SPMIP2: variants seen among roughly 807,000 people sequenced by gnomAD.
The protein encoded by SPMIP2 is protein SPMIP2.
chr4:158,901,390 A>T, the SPMIP2 span, among the ~76,000 whole-genome samples: 1 of 152,060 alleles, frequency 6.6e-6, no homozygotes. Context: ...CTTTGTGGGT[A>T]ACCTGACCTC....
the SPMIP2 span, chr4:158,915,049 G>C: frequency 1.1e-5 from 9 of 835,668 alleles, no homozygotes; most frequent in Non-Finnish European, 1.5e-5. Flanking sequence ...AAAATGCTTC[G>C]ATAGGTTAAA....
At chr4:159,026,857 T>C in the SPMIP2 span, among the ~76,000 whole-genome samples, 1 of 150,416 alleles carries the variant, frequency 6.6e-6, no homozygotes, top group Non-Finnish European at 1.5e-5. Flanking sequence ...CAGTAATTAT[T>C]TATATACATA....
At chr4:159,040,456 C>G in the SPMIP2 span, among the ~76,000 whole-genome samples, 1 of 151,394 alleles carries the variant, frequency 6.6e-6, no homozygotes, top group East Asian at 2.0e-4. Flanking sequence ...CAGGTGTGAG[C>G]CACTGCGCCC....
chr4:159,052,610 CTAT>C, the SPMIP2 span, among the ~76,000 whole-genome samples: 16 of 149,226 alleles, frequency 1.1e-4, no homozygotes, highest in East Asian at 1.8e-3. Flanking sequence ...TATCTCAAGA[CTAT>C]TATTATTATT....
chr4:158,999,067 G>A, the SPMIP2 span, among the ~76,000 whole-genome samples: 8 of 152,128 alleles, frequency 5.3e-5, no homozygotes, highest in East Asian at 3.9e-4. Flanking sequence ...GAGAGGTTGA[G>A]GCTGGAGGAT....
chr4:159,043,135 A>G, the SPMIP2 span, among the ~76,000 whole-genome samples: 1 of 151,976 alleles, frequency 6.6e-6, no homozygotes, highest in South Asian at 2.1e-4. Flanking sequence ...CTAACTCCCT[A>G]TTTTCTATCC....
chr4:158,974,158 T>C, the SPMIP2 span, among the ~76,000 whole-genome samples: 2 of 151,918 alleles, frequency 1.3e-5, no homozygotes, highest in Non-Finnish European at 2.9e-5. Flanking sequence ...TGGAGAAAAT[T>C]GTTAGATGAG....
chr4:159,060,742 C>G, the SPMIP2 span, among the ~76,000 whole-genome samples: 5 of 152,068 alleles, frequency 3.3e-5, no homozygotes, highest in Non-Finnish European at 4.4e-5. Context: ...ATAGCTTAAC[C>G]TTATGTAAAT....
At chr4:159,046,215 T>G in the SPMIP2 span, among the ~76,000 whole-genome samples, 3 of 143,654 alleles carry the variant, frequency 2.1e-5, no homozygotes, top group Non-Finnish European at 3.0e-5. Flanking sequence ...GGTGACAGAG[T>G]GAGACCCTGT....
chr4:159,008,975 T>C, the SPMIP2 span, among the ~76,000 whole-genome samples: 4 of 152,232 alleles, frequency 2.6e-5, no homozygotes, highest in African/African-American at 9.6e-5. Flanking sequence ...CATTCTGCTT[T>C]GAGTCTATAG....
the SPMIP2 span, among the ~76,000 whole-genome samples, chr4:159,029,919 A>C: frequency 2.0e-5 from 3 of 152,232 alleles, no homozygotes; most frequent in Non-Finnish European, 4.4e-5. Flanking sequence ...AGGATAAAAA[A>C]TTAGCATCAA....
At chr4:159,044,516 C>T in the SPMIP2 span, among the ~76,000 whole-genome samples, 1 of 151,728 alleles carries the variant, frequency 6.6e-6, no homozygotes, top group South Asian at 2.1e-4. Flanking sequence ...GTCAAAAGGC[C>T]CTGTATTAAG....
the SPMIP2 span, among the ~76,000 whole-genome samples, chr4:159,003,784 C>T: frequency 6.6e-6 from 1 of 152,194 alleles, no homozygotes; most frequent in African/African-American, 2.4e-5. Context: ...AAAGAGAACA[C>T]AGCTACTAGA....
the SPMIP2 span, among the ~76,000 whole-genome samples, chr4:158,934,213 C>T: frequency 2.6e-5 from 4 of 152,196 alleles, no homozygotes; most frequent in Non-Finnish European, 5.9e-5. Flanking sequence ...GTAATCCCAG[C>T]ACTTTGGGAG....
the SPMIP2 span, among the ~76,000 whole-genome samples, chr4:158,930,756 G>A: frequency 1.3e-5 from 2 of 152,140 alleles, no homozygotes; most frequent in South Asian, 2.1e-4. Context: ...ATCTTTCTGT[G>A]TTGGCCTCCC....
At chr4:158,966,259 GCATGC>G in the SPMIP2 span, among the ~76,000 whole-genome samples, 1 of 152,154 alleles carries the variant, frequency 6.6e-6, no homozygotes, top group African/African-American at 2.4e-5. Context: ...CATTTGCTAT[GCATGC>G]TATGCATTTT....
the SPMIP2 span, among the ~76,000 whole-genome samples, chr4:159,052,369 G>GAAA: frequency 4.1e-5 from 6 of 145,128 alleles, no homozygotes; most frequent in African/African-American, 1.6e-4. Context: ...AGTAGACCCT[G>GAAA]AAAACAACAA....
chr4:159,041,825 A>G, the SPMIP2 span, among the ~76,000 whole-genome samples: 1 of 152,218 alleles, frequency 6.6e-6, no homozygotes, highest in Admixed American at 6.5e-5. Flanking sequence ...CACTTTCCCC[A>G]AACTTTTCTT....
the SPMIP2 span, among the ~76,000 whole-genome samples, chr4:158,954,688 GA>G: frequency 2.0e-5 from 3 of 152,178 alleles, no homozygotes; most frequent in East Asian, 5.8e-4. Flanking sequence ...CAATGACTCA[GA>G]AACATCTAGA....
Sources: allele counts gnomAD v4.1 joint callset (sites outside exome capture counted in the v4.1 genomes callset), GRCh38; gene constraint gnomAD v4.1.1; transcripts MANE v1.5; gene names NCBI Gene and HGNC (gene_info 2026-07-23, HGNC 2026-07-21).